Variants in ARHGAP11B observed in about 807,000 individuals in gnomAD.
ARHGAP11B encodes the protein inactive Rho GTPase-activating protein 11B.
Under a neutral mutation model 27.6 loss-of-function variants are expected in ARHGAP11B, and 14 were observed. That is an observed-to-expected ratio of 0.51 (90% confidence interval 0.34 to 0.79). The LOEUF (loss-of-function observed/expected upper bound fraction) is 0.79. Ranked by LOEUF, ARHGAP11B falls within the 30% of genes least tolerant of loss-of-function variation. The pLI is 0.02. For synonymous variants in ARHGAP11B, 82 were observed against 114.1 expected (o/e 0.72, Z 1.80); for missense variants, 245 against 320.1 (o/e 0.77, Z 1.79).
chr15:30,634,794 CTT>C (rs946519951), intron 4 of ARHGAP11B, among the ~76,000 whole-genome samples: 9 of 150,988 alleles, frequency 6.0e-5, no homozygotes, highest in African/African-American at 2.2e-4. Flanking sequence ...ATACTTCCAA[CTT>C]TTTATGTGTA....
At chr15:30,634,527 T>C (rs2060266661) in intron 4 of ARHGAP11B, 104 bp downstream of exon 4, 2 of 1,430,478 alleles carry the variant, frequency 1.4e-6, no homozygotes, top group South Asian at 1.4e-5. Context: ...AATTTTTCTT[T>C]AAAAATTCCA....
intron 6 of ARHGAP11B, 133 bp downstream of exon 6, chr15:30,635,766 C>T (rs966398804): frequency 6.5e-5 from 55 of 847,066 alleles, no homozygotes; most frequent in Admixed American, 3.2e-4. Flanking sequence ...AGGACGTATG[C>T]GTGTAAAAAG....
chr15:30,639,514 A>C (rs546778207), intron 7 of ARHGAP11B, among the ~76,000 whole-genome samples: 1 of 151,750 alleles, frequency 6.6e-6, no homozygotes, highest in South Asian at 2.1e-4. Context: ...TTTTTTGTTT[A>C]GCTCTAAGTA....
chr15:30,636,553 C>T (rs1304542229), intron 6 of ARHGAP11B, among the ~76,000 whole-genome samples: 1 of 152,014 alleles, frequency 6.6e-6, no homozygotes. Flanking sequence ...ACTTGTGTTT[C>T]TTCTTTACCT....
chr15:30,630,921 A>G lies in ARHGAP11B; in HGVS notation c.200+148A>G, dbSNP rs997909333. The G allele has an allele frequency of 1.1e-5, 15 of 1,402,238 alleles. No homozygotes were observed. In the African/African-American group the frequency reaches 1.9e-4, roughly 18 times the overall value. The allele number at this position is 1,402,238 out of a possible 1,614,324, so 86.9% of individuals were successfully genotyped here. On this transcript the variant is annotated intron_variant, in intron 2 of 10. Transcript: ENST00000428041. ...ATGGTGAGACCTTGTCGCAAAAGAT[A>G]GAAAAATTAGCTTGGCGGAGCACAC...
intron 1 of ARHGAP11B, among the ~76,000 whole-genome samples, chr15:30,627,730 T>G (rs934961393): frequency 6.6e-6 from 1 of 152,084 alleles, no homozygotes. Context: ...AAGCATTTTA[T>G]TTTAAATTTA....
chr15:30,644,174 T>A (rs1352508762), intron 7 of ARHGAP11B, among the ~76,000 whole-genome samples: 4 of 152,088 alleles, frequency 2.6e-5, no homozygotes, highest in African/African-American at 9.7e-5. Context: ...AGTTATGTCC[T>A]GCCTCTTTTG....
At chr15:30,635,761 G>A (rs914036042) in intron 6 of ARHGAP11B, 128 bp downstream of exon 6, 26 of 870,230 alleles carry the variant, frequency 3.0e-5, no homozygotes, top group Non-Finnish European at 4.1e-5. Context: ...AAGATAGGAC[G>A]TATGCGTGTA....
At chr15:30,634,401 T>C in exon 4 of ARHGAP11B, 1 of 1,609,452 alleles carries the variant, frequency 6.2e-7, no homozygotes, top group Non-Finnish European at 8.5e-7. Flanking sequence ...CTTCTTTAAC[T>C]TTCTCAGGAA....
intron 6 of ARHGAP11B, among the ~76,000 whole-genome samples, chr15:30,636,948 T>G (rs932780245): frequency 1.3e-5 from 2 of 151,922 alleles, no homozygotes; most frequent in Admixed American, 1.3e-4. Flanking sequence ...CCAAGTATGG[T>G]CACCTTCATA....
At position 30,626,806 on chromosome 15, in the gene ARHGAP11B, A is replaced by G. The variant is rs765065739; in HGVS notation, c.-15A>G. On this transcript the variant is annotated 5_prime_UTR_variant, in exon 1 of 11. Transcript: ENST00000428041. The stretch of plus-strand genomic sequence containing the variant: ...AGGACCTGCATCCTGCCTCAGAGTT[A>G]TCGACGTATCCGGAATGTGGGATCA... 10 of 1,613,352 alleles carry G rather than the reference A, an allele frequency of 6.2e-6. No homozygotes were observed. The South Asian group carries it at 1.1e-4, about 18-fold the overall frequency.
At chr15:30,629,804 T>A (rs539989120) in intron 1 of ARHGAP11B, among the ~76,000 whole-genome samples, 1 of 152,172 alleles carries the variant, frequency 6.6e-6, no homozygotes. Context: ...AAAAAGTACT[T>A]CAGCATTCAC....
chr15:30,635,209 A>G (rs900135475), intron 5 of ARHGAP11B, 21 bp downstream of exon 5: 62 of 1,610,658 alleles, frequency 3.8e-5, no homozygotes, highest in Non-Finnish European at 5.3e-5. Flanking sequence ...AGGCTGCAGT[A>G]GTACAGACTC....
intron 7 of ARHGAP11B, among the ~76,000 whole-genome samples, chr15:30,639,655 T>A (rs1012914292): frequency 6.6e-6 from 1 of 152,026 alleles, no homozygotes; most frequent in African/African-American, 2.4e-5. Context: ...TTACACCAAA[T>A]GCTAAGTGTA....
At chr15:30,638,158 T>C (rs1438203114) in intron 6 of ARHGAP11B, among the ~76,000 whole-genome samples, 3 of 150,596 alleles carry the variant, frequency 2.0e-5, no homozygotes, top group African/African-American at 7.3e-5. Context: ...TACTCAAGTA[T>C]CTCACACACA....
rs1410981999 is a variant in ARHGAP11B, at chr15:30,646,594, C to T, written c.*324+299C>T. 4.6e-5 allele frequency among the ~76,000 whole-genome samples: 7 copies of T among 151,248 alleles called. No homozygotes were observed. In the South Asian group the frequency reaches 1.2e-3, roughly 27 times the overall value. On this transcript the variant is annotated intron_variant, in intron 9 of 10. Coordinates refer to ENST00000428041, the Ensembl canonical transcript of ARHGAP11B. ...GAAAATGGCGTGAACCCCAGGGGCG[C>T]GGAGCCTGCAGTGAGCTGAGATTGT...
chr15:30,635,144 A>G (rs2060271137), exon 5 of ARHGAP11B: 2 of 1,613,452 alleles, frequency 1.2e-6, no homozygotes, highest in African/African-American at 1.3e-5. Flanking sequence ...TCTTCTTCAG[A>G]CAAGTGAAGG....
At chr15:30,648,914 T>G (rs2060368950) in exon 11 of ARHGAP11B, 1 of 152,074 alleles carries the variant, frequency 6.6e-6, no homozygotes, top group African/African-American at 2.4e-5. Flanking sequence ...GAAAGTAGGA[T>G]TTAATACTTT....
chr15:30,626,946 A>G, exon 1 of ARHGAP11B: 1 of 1,613,272 alleles, frequency 6.2e-7, no homozygotes, highest in Non-Finnish European at 8.5e-7. Context: ...CCACGGAAAT[A>G]GGGGTAAGTT....
Sources: gnomAD v4.1 joint callset for allele counts (sites outside exome capture counted in the v4.1 genomes callset) on GRCh38, gnomAD v4.1.1 for gene constraint, MANE v1.5 for transcripts, NCBI Gene and HGNC (gene_info 2026-07-23, HGNC 2026-07-21) for gene names.